SHANK2: variants seen among roughly 807,000 people sequenced by gnomAD.
The protein encoded by SHANK2 is SH3 and multiple ankyrin repeat domains protein 2.
A neutral mutation model predicts 133.7 loss-of-function variants in SHANK2; 43 were observed. That is an observed-to-expected ratio of 0.32 (90% CI 0.25 to 0.41). The LOEUF is 0.41. Ranked by LOEUF, SHANK2 falls within the 10% of genes least tolerant of loss-of-function variation. SHANK2 has a pLI of 1.00. For missense variants in SHANK2, 1,994 were observed against 2,235.8 expected (o/e 0.89, Z 2.18); for synonymous variants, 1,017 against 952.8 (o/e 1.07, Z -1.24).
At chr11:70,712,669 C>T (rs1159648502) in intron 14 of SHANK2, among the ~76,000 whole-genome samples, 2 of 152,240 alleles carry the variant, frequency 1.3e-5, no homozygotes, top group Non-Finnish European at 1.5e-5. Context: ...GAGACTCCTC[C>T]TGCAATGGGT....
intron 8 of SHANK2, among the ~76,000 whole-genome samples, chr11:71,086,576 T>G (rs1951423235): frequency 6.8e-6 from 1 of 147,536 alleles, no homozygotes; most frequent in South Asian, 2.1e-4. Flanking sequence ...TCATTAGACT[T>G]GGAGTTAAGC....
chr11:70,950,349 C>T (rs1284947948), intron 10 of SHANK2, among the ~76,000 whole-genome samples: 1 of 151,752 alleles, frequency 6.6e-6, no homozygotes, highest in Non-Finnish European at 1.5e-5. Context: ...GCCCATCACA[C>T]CCAGCTAACT....
At position 70,769,163 on chromosome 11, in the gene SHANK2, G is replaced by A. The variant is rs549264341; in HGVS notation, c.1777+29280C>T. Among the ~76,000 whole-genome samples the A allele has an allele frequency of 2.9e-3, 445 of 152,268 alleles. 3 individuals carry two copies. Among genetic ancestry groups the A allele is most frequent in the South Asian group, 4.4e-3 (21 of 4,826 alleles). On this transcript the variant is annotated intron_variant, in intron 14 of 25. Coordinates refer to ENST00000601538, the MANE Select transcript of SHANK2 (RefSeq NM_012309.5). ...TGAATGAATGGGTGGGTGGGTGGTT[G>A]AGTGAATGACTCGCCTGAGAAGTTC...
At chr11:71,069,297 C>A (rs1304211187) in intron 9 of SHANK2, among the ~76,000 whole-genome samples, 1 of 151,930 alleles carries the variant, frequency 6.6e-6, no homozygotes. Flanking sequence ...ATCATCTTCA[C>A]CTTCACCATC....
intron 21 of SHANK2, among the ~76,000 whole-genome samples, chr11:70,495,416 G>A (rs1359768268): frequency 2.0e-5 from 3 of 152,224 alleles, no homozygotes; most frequent in African/African-American, 7.2e-5. Flanking sequence ...ATGCTTGGGT[G>A]ATCTCCTCTG....
At chr11:70,867,333 C>T (rs1308976518) in intron 11 of SHANK2, among the ~76,000 whole-genome samples, 2 of 152,220 alleles carry the variant, frequency 1.3e-5, no homozygotes, top group Non-Finnish European at 2.9e-5. Flanking sequence ...AGAGTGCACA[C>T]GTCTTGGCTC....
At chr11:70,933,938 C>A (rs10899694) in intron 10 of SHANK2, among the ~76,000 whole-genome samples, 51,106 of 147,446 alleles carry the variant, frequency 0.35, 12,276 homozygotes, top group African/African-American at 0.7. Context: ...AACAAACAAA[C>A]AAAACAACAA....
Position 70,581,388 on chromosome 11 carries a change from A to G in SHANK2, c.2061+78440T>C, listed in dbSNP as rs914882632. Among the ~76,000 whole-genome samples, 16 of 151,848 alleles carry G rather than the reference A, an allele frequency of 1.1e-4. No individual in the cohort carries two copies. In the South Asian group the frequency reaches 3.1e-3, roughly 30 times the overall value. ...TTACTTCTCACCAACACCATAACTC[A>G]CTGTACTTTAAAGCTAGCTAGGCCA... On this transcript the variant is annotated intron_variant, in intron 17 of 25. Transcript: ENST00000601538.
At chr11:70,767,273 A>G (rs1947141935) in intron 14 of SHANK2, among the ~76,000 whole-genome samples, 1 of 152,250 alleles carries the variant, frequency 6.6e-6, no homozygotes, top group Non-Finnish European at 1.5e-5. Context: ...AGATCCCAGA[A>G]TGTAAGAAAG....
At chr11:70,737,994 T>C (rs539002678) in intron 14 of SHANK2, among the ~76,000 whole-genome samples, 1 of 152,244 alleles carries the variant, frequency 6.6e-6, no homozygotes, top group Non-Finnish European at 1.5e-5. Context: ...CCAGGCCTCA[T>C]GATGCCAGGA....
At chr11:70,760,051 C>T (rs536007144) in intron 14 of SHANK2, among the ~76,000 whole-genome samples, 9 of 152,338 alleles carry the variant, frequency 5.9e-5, no homozygotes, top group East Asian at 3.9e-4. Flanking sequence ...GCTCACTGAG[C>T]GGCTTTACGT....
chr11:70,624,710 G>C (rs1371942239), intron 17 of SHANK2, among the ~76,000 whole-genome samples: 2 of 152,280 alleles, frequency 1.3e-5, no homozygotes, highest in East Asian at 3.9e-4. Flanking sequence ...GGCATGGAGT[G>C]GGGAGAGGCC....
At chr11:71,075,661 G>A (rs1054422719) in intron 8 of SHANK2, among the ~76,000 whole-genome samples, 26 of 152,228 alleles carry the variant, frequency 1.7e-4, no homozygotes, top group Non-Finnish European at 3.5e-4. Context: ...GCTCAGACCC[G>A]GCTTCAGTTA....
chr11:70,473,071 A>G lies in SHANK2; in HGVS notation c.5348T>C (p.Val1783Ala). 1 of 1,614,230 alleles carries G rather than the reference A, an allele frequency of 6.2e-7. No individual in the cohort carries two copies. Among genetic ancestry groups the G allele is most frequent in the Non-Finnish European group, 8.5e-7 (1 of 1,180,050 alleles). ...CACATCTGGTTTAGTCCACAGGTGG[A>G]CAGGTTTAGTTGTAAAAGGCTTATT... ...ISNKPFTTKP[V>A]HLWTKPDVAD... The change falls in exon 26 of 26, where the codon GTC becomes GCC. Residue 1783 changes from valine (V) to alanine (A), a missense_variant. Val to Ala is a moderately conservative substitution (Grantham distance 64). This residue lies in a region of SHANK2 where 797 missense variants were observed against 907.4 expected (regional missense o/e 0.88). Transcript: ENST00000601538. This position sits in a 1 kb window ranked among gnomAD's most constrained non-coding sequence, Gnocchi z 5.9.
chr11:70,840,702 A>C lies in SHANK2; in HGVS notation c.1175-20020T>G, dbSNP rs114076780. On this transcript the variant is annotated intron_variant, in intron 11 of 25. Transcript: ENST00000601538. ...GCTATCAGGGCAGGGCTCTTCCAGGAAGTGGGAGCCTGGGGAGGGCTGGGG... is the reference window on the plus strand; with the variant it reads ...GCTATCAGGGCAGGGCTCTTCCAGGCAGTGGGAGCCTGGGGAGGGCTGGGG... 5.9e-3 allele frequency among the ~76,000 whole-genome samples: 891 copies of C among 152,240 alleles called. 4 individuals are homozygous for C. The highest frequency in any genetic ancestry group is 0.02 in the African/African-American group (833 of 41,560).
At chr11:71,158,184 A>T (rs1555109366) in intron 2 of SHANK2, among the ~76,000 whole-genome samples, 1 of 152,224 alleles carries the variant, frequency 6.6e-6, no homozygotes, top group African/African-American at 2.4e-5. Flanking sequence ...TTCAGATAAT[A>T]TGCTTCTGTG....
At chr11:71,215,845 T>C (rs1339509915) in intron 2 of SHANK2, among the ~76,000 whole-genome samples, 2 of 151,950 alleles carry the variant, frequency 1.3e-5, no homozygotes, top group Non-Finnish European at 2.9e-5. Flanking sequence ...AGGAGTGGAG[T>C]CAGGCTCCCG....
chr11:71,232,601 G>C (rs1954761889), intron 1 of SHANK2, among the ~76,000 whole-genome samples: 3 of 151,920 alleles, frequency 2.0e-5, no homozygotes, highest in Non-Finnish European at 4.4e-5. Context: ...AGACAATGCA[G>C]ATGAAACCTT....
Position 70,622,715 on chromosome 11 carries a change from G to A in SHANK2, c.2061+37113C>T, listed in dbSNP as rs536072246. Among the ~76,000 whole-genome samples, 17 of 152,268 alleles carry A rather than the reference G, an allele frequency of 1.1e-4. No individual in the cohort carries two copies. The South Asian group carries it at 1.7e-3, about 15-fold the overall frequency. On this transcript the variant is annotated intron_variant, in intron 17 of 25. Coordinates refer to ENST00000601538, the MANE Select transcript of SHANK2 (RefSeq NM_012309.5). Reference sequence around the variant, plus strand: ...ACATCTAAGGACATCTGCGAAGACCGTGTTTCCAAATGAGATTCCCAGTGG... The same window carrying A: ...ACATCTAAGGACATCTGCGAAGACCATGTTTCCAAATGAGATTCCCAGTGG...
Sources: allele counts gnomAD v4.1 joint callset (sites outside exome capture counted in the v4.1 genomes callset), GRCh38; gene constraint gnomAD v4.1.1; regional missense constraint gnomAD v4.1.1; non-coding constraint Gnocchi (gnomAD v3.1); transcripts MANE v1.5; gene names NCBI Gene and HGNC (gene_info 2026-07-23, HGNC 2026-07-21).